DNAJC6: variants seen among roughly 807,000 people sequenced by gnomAD.
The protein encoded by DNAJC6 is DnaJ heat shock protein family (Hsp40) member C6.
Under a neutral mutation model 110.0 loss-of-function variants are expected in DNAJC6, and 34 were observed. That is an observed-to-expected ratio of 0.31 (90% CI 0.24 to 0.41). The LOEUF is 0.41. DNAJC6 is among the 10% of genes least tolerant of loss of function. The pLI is 1.00. For missense variants in DNAJC6, 1,031 were observed against 1,207.8 expected, an observed-to-expected ratio of 0.85 and a Z score of 2.17; for synonymous variants, 406 against 437.2, an observed-to-expected ratio of 0.93 and a Z score of 0.89.
chr1:65,384,459 T>A, intron 6 of DNAJC6, 133 bp downstream of exon 6: 1 of 861,780 alleles, frequency 1.2e-6, no homozygotes, highest in Non-Finnish European at 1.5e-6. Flanking sequence ...TTAATATTGC[T>A]ATGAAGAACT....
intron 1 of DNAJC6, among the ~76,000 whole-genome samples, chr1:65,320,759 T>C (rs1645190772): frequency 6.6e-6 from 1 of 152,164 alleles, no homozygotes; most frequent in African/African-American, 2.4e-5. Flanking sequence ...GTATGCTAAA[T>C]TCTATGGAGG....
chr1:65,326,366 G>C, intron 1 of DNAJC6, among the ~76,000 whole-genome samples: 1 of 152,216 alleles, frequency 6.6e-6, no homozygotes, highest in East Asian at 1.9e-4. Context: ...AGAAGGTAGA[G>C]ATGGGCCCCT....
At chr1:65,380,916 G>GTTTTT (rs796797174) in intron 5 of DNAJC6, among the ~76,000 whole-genome samples, 30 of 93,512 alleles carry the variant, frequency 3.2e-4, no homozygotes, top group African/African-American at 4.0e-4. Flanking sequence ...TTTTTGTTTT[G>GTTTTT]TTTTGTTTTT....
At chr1:65,347,405 CT>C (rs898237039) in intron 1 of DNAJC6, among the ~76,000 whole-genome samples, 204 of 144,076 alleles carry the variant, frequency 1.4e-3, no homozygotes, top group Non-Finnish European at 1.3e-3. Flanking sequence ...TGTAGATTTT[CT>C]TTTTTTTTTT....
upstream of DNAJC6, among the ~76,000 whole-genome samples, chr1:65,305,252 C>T (rs891657821): frequency 6.6e-6 from 1 of 152,192 alleles, no homozygotes; most frequent in African/African-American, 2.4e-5. Context: ...GTGTATAGGA[C>T]ATTCATAATT....
chr1:65,358,647 A>C (rs1371060991), intron 1 of DNAJC6, among the ~76,000 whole-genome samples: 3 of 152,194 alleles, frequency 2.0e-5, no homozygotes, highest in Non-Finnish European at 4.4e-5. Context: ...ACAGTGGATT[A>C]TGTGTTGTAG....
At chr1:65,355,280 A>G (rs1048651605) in intron 1 of DNAJC6, among the ~76,000 whole-genome samples, 7 of 151,928 alleles carry the variant, frequency 4.6e-5, no homozygotes, top group African/African-American at 9.7e-5. Context: ...AAAAAAAAAA[A>G]AAAAAAGAAA....
At chr1:65,293,759 C>G (rs1429734567) in intron 1 of DNAJC6, among the ~76,000 whole-genome samples, 1 of 152,104 alleles carries the variant, frequency 6.6e-6, no homozygotes, top group Non-Finnish European at 1.5e-5. Flanking sequence ...ATATGTTGGT[C>G]TATGCACAAA....
chr1:65,265,829 G>A (rs968821514), intron 1 of DNAJC6, among the ~76,000 whole-genome samples: 2 of 152,138 alleles, frequency 1.3e-5, no homozygotes, highest in Non-Finnish European at 2.9e-5. Flanking sequence ...AGGGCGCAGC[G>A]GAGTCGCGTG....
chr1:65,343,131 A>G (rs1304931188), intron 1 of DNAJC6, among the ~76,000 whole-genome samples: 1 of 152,196 alleles, frequency 6.6e-6, no homozygotes, highest in Non-Finnish European at 1.5e-5. Flanking sequence ...TCTGTGAGGA[A>G]ACACCATAAT....
At chr1:65,343,689 G>A (rs1645410162) in intron 1 of DNAJC6, among the ~76,000 whole-genome samples, 1 of 151,862 alleles carries the variant, frequency 6.6e-6, no homozygotes, top group Non-Finnish European at 1.5e-5. Flanking sequence ...ATATGCCAGA[G>A]AAAAGCTGCA....
chr1:65,297,746 G>T (rs1434267954), intron 1 of DNAJC6, among the ~76,000 whole-genome samples: 2 of 152,218 alleles, frequency 1.3e-5, no homozygotes, highest in African/African-American at 2.4e-5. Context: ...TGGAAATGTA[G>T]GTTTAGGAGT....
At chr1:65,325,356 G>A (rs745914102) in intron 1 of DNAJC6, among the ~76,000 whole-genome samples, 1 of 152,204 alleles carries the variant, frequency 6.6e-6, no homozygotes. Flanking sequence ...TATTATTGTG[G>A]TTAAGAACTC....
chr1:65,394,336 TC>T (rs1343676300), intron 12 of DNAJC6, among the ~76,000 whole-genome samples: 3 of 152,072 alleles, frequency 2.0e-5, no homozygotes, highest in Admixed American at 6.6e-5. Context: ...AAGTATTCTA[TC>T]CCCCCAAGAG....
chr1:65,380,321 C>G (rs1324565293), intron 5 of DNAJC6, among the ~76,000 whole-genome samples: 1 of 152,146 alleles, frequency 6.6e-6, no homozygotes, highest in South Asian at 2.1e-4. Flanking sequence ...TTCAAAGCTT[C>G]TATAAATTTT....
intron 4 of DNAJC6, among the ~76,000 whole-genome samples, chr1:65,373,221 G>A (rs916949265): frequency 6.6e-6 from 1 of 152,274 alleles, no homozygotes; most frequent in Admixed American, 6.5e-5. Context: ...TAGGCACTTA[G>A]GTTGATTCCA....
At chr1:65,335,343 T>G (rs1431431450) in intron 1 of DNAJC6, among the ~76,000 whole-genome samples, 1 of 151,818 alleles carries the variant, frequency 6.6e-6, no homozygotes, top group Non-Finnish European at 1.5e-5. Context: ...CTTGATCTCC[T>G]GACTTTGTGA....
At chr1:65,366,573 G>A (rs1310179963) in intron 4 of DNAJC6, among the ~76,000 whole-genome samples, 1 of 152,108 alleles carries the variant, frequency 6.6e-6, no homozygotes, top group Non-Finnish European at 1.5e-5. Flanking sequence ...TTGCTACTTG[G>A]TATCAAGATA....
chr1:65,355,993 C>T (rs1362300739), intron 1 of DNAJC6, among the ~76,000 whole-genome samples: 1 of 143,146 alleles, frequency 7.0e-6, no homozygotes, highest in Non-Finnish European at 1.5e-5. Flanking sequence ...TTCTATTCTA[C>T]AGATAAGGAA....
Sources: gnomAD v4.1 joint callset for allele counts (sites outside exome capture counted in the v4.1 genomes callset) on GRCh38, gnomAD v4.1.1 for gene constraint, MANE v1.5 for transcripts, NCBI Gene and HGNC (gene_info 2026-07-23, HGNC 2026-07-21) for gene names.